Variants in UROD observed in about 807,000 individuals in gnomAD.
UROD encodes uroporphyrinogen III decarboxylase.
A neutral mutation model predicts 47.1 loss-of-function variants in UROD; 34 were observed. The observed-to-expected ratio is 0.72, with a 90% CI of 0.55 to 0.96. The LOEUF (loss-of-function observed/expected upper bound fraction) is 0.96. Ranked by LOEUF, UROD falls within the 40% of genes least tolerant of loss-of-function variation. UROD has a pLI of 0.00. For synonymous variants in UROD, 148 were observed against 175.8 expected, an observed-to-expected ratio of 0.84 and a Z score of 1.25; for missense variants, 381 against 471.8, an observed-to-expected ratio of 0.81 and a Z score of 1.78.
chr1:45,013,987 C>T lies in UROD; in HGVS notation c.553C>T (p.Pro185Ser). ...AQAKRWLYQR[P>S]QASHQLLRIL... is the part of the protein sequence containing the mutation. ...GGCCAAGCGCTGGCTCTATCAGAGA[C>T]CTCAGGCTAGTCACCAGCTGCTTCG... The change falls in exon 6 of 10, where the codon CCT (proline) becomes TCT (serine). Residue 185 changes from proline to serine, a missense_variant. Coordinates refer to ENST00000246337, the MANE Select transcript of UROD (RefSeq NM_000374.5). The surrounding 1 kb of genome is among the most constrained non-coding windows in gnomAD (Gnocchi z 4.2). 8.7e-6 allele frequency: 14 copies of T among 1,614,254 alleles called. No individual in the cohort carries two copies. The highest frequency in any genetic ancestry group is 1.2e-5 in the Non-Finnish European group (14 of 1,180,056).
Position 45,013,759 on chromosome 1 carries a change from C to T in UROD, c.442C>T (p.Arg148Cys), listed in dbSNP as rs147374926. ...CCTTACCCGACAACGACTGGCTGGA[C>T]GTGTGCCGCTGATTGGCTTTGCTGG... The part of the protein sequence containing the change: ...ITLTRQRLAG[R>C]VPLIGFAGAP... Residue 148 changes from arginine (R) to cysteine (C), a missense_variant, in exon 5 of 10, where the codon CGT becomes TGT. Coordinates refer to ENST00000246337, the MANE Select transcript of UROD (RefSeq NM_000374.5). This position sits in a 1 kb window ranked among gnomAD's most constrained non-coding sequence, Gnocchi z 4.2. 6.1e-5 allele frequency: 98 copies of T among 1,614,152 alleles called. No homozygotes were observed. In the African/African-American group the frequency reaches 1.1e-3, roughly 18 times the overall value.
chr1:45,012,564 G>A, intron 1 of UROD: 1 of 619,734 alleles, frequency 1.6e-6, no homozygotes, highest in African/African-American at 1.8e-5. Context: ...CTCAGCCCCT[G>A]AACCAGCCCA....
Position 45,015,533 on chromosome 1 carries a change from G to C in UROD, c.*35G>C. 1 of 1,614,110 alleles carries C rather than the reference G, an allele frequency of 6.2e-7. No individual in the cohort carries two copies. The highest frequency in any genetic ancestry group is 8.5e-7 in the Non-Finnish European group (1 of 1,180,020). ...TTTACCCTCAAGTACCACTAACACA[G>C]ATGATTGATCGTTTCCAGGACAATA... On this transcript the variant is annotated 3_prime_UTR_variant, in exon 10 of 10. Coordinates refer to ENST00000246337, the MANE Select transcript of UROD (RefSeq NM_000374.5).
rs749158648 is a variant in UROD, at chr1:45,012,301, C to G, written c.20+16C>G. 6.2e-7 allele frequency: 1 copy of G among 1,614,154 alleles called. No individual in the cohort carries two copies. Among genetic ancestry groups the G allele is most frequent in the Admixed American group, 1.7e-5 (1 of 60,030 alleles). On this transcript the variant is annotated intron_variant, in intron 1 of 9. Coordinates refer to ENST00000246337, the MANE Select transcript of UROD (RefSeq NM_000374.5). ...ATGGGTTGGGGTGAGTTCTCCAGAG[C>G]ACGCGGTGTGGCTAGCCGGGCTTCT...
In UROD at chr1:45,014,537, G is replaced by A. The variant is rs1644832624; in HGVS notation, c.735G>A (p.Lys245=). The A allele has an allele frequency of 6.2e-7, 1 of 1,614,216 alleles. No homozygotes were observed. The highest frequency in any genetic ancestry group is 8.5e-7 in the Non-Finnish European group (1 of 1,180,046). The change falls in exon 7 of 10, where the codon AAG becomes AAA. Residue 245 remains lysine (K), a synonymous_variant. Coordinates refer to ENST00000246337, the MANE Select transcript of UROD (RefSeq NM_000374.5). ...PYIRDVAKQV[K]ARLREAGLAP... is the part of the protein sequence containing the mutation. ...TCCGTGATGTGGCCAAGCAAGTGAA[G>A]GCCAGGTTGCGGGAGGCAGGCCTGG...
At chr1:45,012,758 A>G (rs1045803860) in intron 1 of UROD, 149 bp from the exon 2 acceptor site, 18 of 1,502,676 alleles carry the variant, frequency 1.2e-5, no homozygotes, top group Non-Finnish European at 1.4e-5. Flanking sequence ...GGCAGAGAGG[A>G]GGCGGAACGG....
In UROD at chr1:45,013,036, G is replaced by A; in HGVS notation, c.133+17G>A. ...ACTTACCAGGTAAGAGTCAGGGTCT[G>A]GAAATCTAGATAAAACTCCGGAGGG... On this transcript the variant is annotated intron_variant, in intron 2 of 9. Coordinates refer to ENST00000246337, the MANE Select transcript of UROD (RefSeq NM_000374.5). The surrounding 1 kb of genome is among the most constrained non-coding windows in gnomAD (Gnocchi z 4.2). 1 of 1,614,168 alleles carries A rather than the reference G, an allele frequency of 6.2e-7. No homozygotes were observed. The highest frequency in any genetic ancestry group is 1.1e-5 in the South Asian group (1 of 91,090).
intron 9 of UROD, 132 bp downstream of exon 9, chr1:45,015,138 A>G: frequency 6.7e-7 from 1 of 1,502,602 alleles, no homozygotes; most frequent in Non-Finnish European, 9.1e-7. Flanking sequence ...AGCCCTAGAA[A>G]GACCGGACTT....
chr1:45,014,400 TTGTG>T, intron 6 of UROD, 35 bp from the exon 7 acceptor site: 1 of 1,613,876 alleles, frequency 6.2e-7, no homozygotes. Flanking sequence ...AACTTCCTCT[TTGTG>T]TGTTACATAT....
chr1:45,015,115 T>C, intron 9 of UROD, 109 bp downstream of exon 9: 1 of 1,559,254 alleles, frequency 6.4e-7, no homozygotes, highest in Non-Finnish European at 8.8e-7. Context: ...TTTCTTCTAC[T>C]CTGTACAACA....
rs143180539 is a variant in UROD, at chr1:45,014,495, G to C, written c.693G>C (p.Lys231Asn). The C allele has an allele frequency of 6.2e-7, 1 of 1,614,182 alleles. No homozygotes were observed. The highest frequency in any genetic ancestry group is 2.2e-5 in the East Asian group (1 of 44,884). The change falls in exon 7 of 10, where the codon AAG becomes AAC. Residue 231 changes from lysine to asparagine, a missense_variant. Physicochemically the swap from Lys to Asn is moderately conservative, Grantham distance 94 (BLOSUM62 0). Coordinates refer to ENST00000246337, the MANE Select transcript of UROD (RefSeq NM_000374.5). The stretch of plus-strand genomic sequence containing the variant: ...ATCTTGGCCCACAGCTCTTCAACAA[G>C]TTTGCACTGCCTTACATCCGTGATG... ...AGHLGPQLFNKFALPYIRDVA... is the reference protein window; with the variant it reads ...AGHLGPQLFNNFALPYIRDVA...
Position 45,013,476 on chromosome 1 carries a change from G to T in UROD, c.277-118G>T. On this transcript the variant is annotated intron_variant, in intron 4 of 9. Coordinates refer to ENST00000246337, the MANE Select transcript of UROD (RefSeq NM_000374.5). The surrounding 1 kb of genome is among the most constrained non-coding windows in gnomAD (Gnocchi z 4.2). ...CTGGATCGAGGGAAAAACTAAGGTT[G>T]AAAGAAATGGAGTTTGGCAGAGTTT... is the stretch of plus-strand genomic sequence containing the variant. The T allele has an allele frequency of 6.2e-7, 1 of 1,603,758 alleles. No individual in the cohort carries two copies. Among genetic ancestry groups the T allele is most frequent in the East Asian group, 2.2e-5 (1 of 44,834 alleles).
At position 45,013,064 on chromosome 1, in the gene UROD, A is replaced by T. The variant is rs1644816821; in HGVS notation, c.133+45A>T. ...AATCTAGATAAAACTCCGGAGGGAG[A>T]AAAGTTTTCGAGGGGCAGGGGAGGG... On this transcript the variant is annotated intron_variant, in intron 2 of 9. Transcript: ENST00000246337. The surrounding 1 kb of genome is among the most constrained non-coding windows in gnomAD (Gnocchi z 4.2). 4 of 1,614,086 alleles carry T rather than the reference A, an allele frequency of 2.5e-6. No homozygotes were observed. In the East Asian group the frequency reaches 8.9e-5, roughly 36 times the overall value.
In UROD at chr1:45,013,358, C is replaced by T. The variant is rs759499420; in HGVS notation, c.276+4C>T. The T allele has an allele frequency of 6.2e-7, 1 of 1,614,176 alleles. No individual in the cohort carries two copies. The highest frequency in any genetic ancestry group is 8.5e-7 in the Non-Finnish European group (1 of 1,180,034). The stretch of plus-strand genomic sequence containing the variant: ...CGACATCCTTGTTGTACCCCAGGTA[C>T]CCACTCAAACCTGATCCTAGAATAT... On this transcript the variant is annotated splice_donor_region_variant and intron_variant, in intron 4 of 9. Transcript: ENST00000246337. This position sits in a 1 kb window ranked among gnomAD's most constrained non-coding sequence, Gnocchi z 4.2.
Position 45,013,001 on chromosome 1 carries a change from G to A in UROD, c.115G>A (p.Ala39Thr). The change falls in exon 2 of 10, where the codon GCA becomes ACA. Residue 39 changes from alanine to threonine, a missense_variant. Coordinates refer to ENST00000246337, the MANE Select transcript of UROD (RefSeq NM_000374.5). The surrounding 1 kb of genome is among the most constrained non-coding windows in gnomAD (Gnocchi z 4.2). ...DYTPVWCMRQAGRYLPEFRET... is the reference protein window; with the variant it reads ...DYTPVWCMRQTGRYLPEFRET... ...CACTCCCGTTTGGTGCATGCGCCAG[G>A]CAGGCCGTTACTTACCAGGTAAGAG... The A allele has an allele frequency of 6.2e-7, 1 of 1,614,128 alleles. No individual in the cohort carries two copies. Among genetic ancestry groups the A allele is most frequent in the Non-Finnish European group, 8.5e-7 (1 of 1,180,038 alleles).
chr1:45,015,097 T>G, intron 9 of UROD, 91 bp downstream of exon 9: 1 of 1,584,214 alleles, frequency 6.3e-7, no homozygotes, highest in South Asian at 1.1e-5. Context: ...TTAATGTCTG[T>G]CTGTCCTTTT....
chr1:45,012,395 C>T lies in UROD; in HGVS notation c.20+110C>T. ...TTCCCCACCCTGGAGACCTCCCAAC[C>T]TGAACTCCGTTAGCTGGGATCCTGA... On this transcript the variant is annotated intron_variant, in intron 1 of 9. Transcript: ENST00000246337. The T allele has an allele frequency of 7.5e-6, 11 of 1,462,728 alleles. No homozygotes were observed. The South Asian group carries it at 1.3e-4, about 17-fold the overall frequency. The allele number at this position is 1,462,728 out of a possible 1,614,324, so 90.6% of individuals were successfully genotyped here. A position where few individuals can be genotyped will look rare whatever the true frequency, so the allele number is the denominator to read the frequency against.
rs769842621 is a variant in UROD at position 45,013,181 on chromosome 1, GCT to G, written c.183_184del (p.Pro62Ter). The G allele has an allele frequency of 6.2e-7, 1 of 1,614,120 alleles. No homozygotes were observed. The highest frequency in any genetic ancestry group is 1.1e-5 in the South Asian group (1 of 91,082). The stretch of plus-strand genomic sequence containing the variant: ...GCCCAGGACTTTTTCAGCACGTGTC[GCT>G]CTCCTGAGGCCTGCTGTGAACTGAC... On this transcript the variant is annotated frameshift_variant, in exon 3 of 10. Coordinates refer to ENST00000246337, the MANE Select transcript of UROD (RefSeq NM_000374.5). LOFTEE classifies it high-confidence loss of function. The surrounding 1 kb of genome is among the most constrained non-coding windows in gnomAD (Gnocchi z 4.2).
rs1644822630 is a variant in UROD, at chr1:45,013,491, T to C, written c.277-103T>C. Reference sequence around the variant, plus strand: ...AACTAAGGTTGAAAGAAATGGAGTTTGGCAGAGTTTTATTCTCCTTTTCCT... The same window carrying C: ...AACTAAGGTTGAAAGAAATGGAGTTCGGCAGAGTTTTATTCTCCTTTTCCT... On this transcript the variant is annotated intron_variant, in intron 4 of 9. Coordinates refer to ENST00000246337, the MANE Select transcript of UROD (RefSeq NM_000374.5). This position sits in a 1 kb window ranked among gnomAD's most constrained non-coding sequence, Gnocchi z 4.2. The C allele has an allele frequency of 6.9e-6, 11 of 1,604,362 alleles. No individual in the cohort carries two copies. Among genetic ancestry groups the C allele is most frequent in the Non-Finnish European group, 9.4e-6 (11 of 1,172,520 alleles).
Sources: gnomAD v4.1 joint callset for allele counts on GRCh38, gnomAD v4.1.1 for gene constraint, Gnocchi (gnomAD v3.1) non-coding constraint, MANE v1.5 for transcripts, NCBI Gene and HGNC (gene_info 2026-07-23, HGNC 2026-07-21) for gene names.